Variants in PPP5C observed in about 807,000 individuals in gnomAD.
PPP5C encodes protein phosphatase 5 catalytic subunit.
In PPP5C, 21 loss-of-function variants were observed where a neutral mutation model predicts 66.7. That is an observed-to-expected ratio of 0.31 (90% CI 0.22 to 0.45). The LOEUF is 0.45. PPP5C is among the 20% of genes least tolerant of loss of function. PPP5C has a pLI of 1.00. For synonymous variants in PPP5C, 246 were observed against 257.4 expected (o/e 0.96, Z 0.43); for missense variants, 464 against 675.9 (o/e 0.69, Z 3.48).
chr19:46,384,957 G>GA, intron 7 of PPP5C, 48 bp downstream of exon 7: 1 of 1,386,930 alleles, frequency 7.2e-7, no homozygotes, highest in Non-Finnish European at 1.0e-6. Flanking sequence ...GGTCCTGAGT[G>GA]GGGCACTCAC....
chr19:46,347,328 C>CA (rs1972100192), intron 1 of PPP5C, 111 bp downstream of exon 1: 1 of 1,426,860 alleles, frequency 7.0e-7, no homozygotes, highest in Non-Finnish European at 9.2e-7. Flanking sequence ...CAGACACTAC[C>CA]AAGTGACCGG....
At chr19:46,353,471 C>T (rs766548929) in intron 1 of PPP5C, among the ~76,000 whole-genome samples, 4 of 118,944 alleles carry the variant, frequency 3.4e-5, no homozygotes, top group Admixed American at 1.2e-4. Context: ...TTCTTGCTAT[C>T]GGAGTGCTCT....
At position 46,390,888 on chromosome 19, in the gene PPP5C, C is replaced by G; in HGVS notation, c.*542C>G. 1 of 1,149,580 alleles carries G rather than the reference C, an allele frequency of 8.7e-7. No individual in the cohort carries two copies. Among genetic ancestry groups the G allele is most frequent in the South Asian group, 1.8e-5 (1 of 55,670 alleles). 71.2% of individuals were successfully genotyped at this position (1,149,580 alleles called of 1,614,324 possible). ...GGATGGTGGAGCCGAAGGAGCTGCC[C>G]GGGTTGGGTTACGCCTGCTCAGGAG... On this transcript the variant is annotated 3_prime_UTR_variant, in exon 13 of 13. Coordinates refer to ENST00000012443, the MANE Select transcript of PPP5C (RefSeq NM_006247.4).
intron 1 of PPP5C, among the ~76,000 whole-genome samples, chr19:46,348,270 C>T (rs974787951): frequency 6.7e-6 from 1 of 149,402 alleles, no homozygotes; most frequent in African/African-American, 2.5e-5. Context: ...CCAGATCATG[C>T]AGGGTCTCCG....
At position 46,390,963 on chromosome 19, in the gene PPP5C, C is replaced by A; in HGVS notation, c.*617C>A. 8.3e-7 allele frequency: 1 copy of A among 1,198,110 alleles called. No individual in the cohort carries two copies. Among genetic ancestry groups the A allele is most frequent in the Non-Finnish European group, 1.1e-6 (1 of 943,242 alleles). 74.2% of individuals were successfully genotyped at this position (1,198,110 alleles called of 1,614,324 possible). On this transcript the variant is annotated 3_prime_UTR_variant, in exon 13 of 13. Coordinates refer to ENST00000012443, the MANE Select transcript of PPP5C (RefSeq NM_006247.4). ...AGTCCCGCTGGCCGGGCCCACCCAG[C>A]TCTGGGCTGACCGCCCAAGTGGCCT... is the stretch of plus-strand genomic sequence containing the variant.
chr19:46,357,020 C>A (rs1252863732), intron 2 of PPP5C, among the ~76,000 whole-genome samples: 2 of 152,148 alleles, frequency 1.3e-5, no homozygotes, highest in African/African-American at 4.8e-5. Context: ...ATAGGAATAA[C>A]AACCAAAGTG....
At chr19:46,354,956 C>A (rs1327302677) in intron 2 of PPP5C, among the ~76,000 whole-genome samples, 3 of 152,224 alleles carry the variant, frequency 2.0e-5, no homozygotes, top group Admixed American at 6.5e-5. Flanking sequence ...AGAGCGAGCA[C>A]ACACCTTCAC....
intron 4 of PPP5C, among the ~76,000 whole-genome samples, chr19:46,378,464 A>G (rs1169932254): frequency 2.0e-5 from 3 of 152,238 alleles, no homozygotes; most frequent in Admixed American, 2.0e-4. Context: ...ATAAATGTCA[A>G]TTAGTTCAAG....
intron 1 of PPP5C, among the ~76,000 whole-genome samples, chr19:46,348,491 T>C (rs1339643519): frequency 1.3e-5 from 2 of 151,954 alleles, no homozygotes; most frequent in Non-Finnish European, 2.9e-5. Flanking sequence ...TTTTTGTACT[T>C]TTAGTAGAGA....
intron 4 of PPP5C, among the ~76,000 whole-genome samples, chr19:46,378,080 T>C (rs1341746818): frequency 6.6e-6 from 1 of 152,258 alleles, no homozygotes; most frequent in African/African-American, 2.4e-5. Context: ...TTCTGGCTTC[T>C]GAAGATGGAC....
At chr19:46,389,992 T>G in intron 11 of PPP5C, 59 bp from the exon 12 acceptor site, 1 of 1,532,002 alleles carries the variant, frequency 6.5e-7, no homozygotes, top group Non-Finnish European at 9.0e-7. Flanking sequence ...TTCCTTCTCT[T>G]AACCCACCAG....
intron 2 of PPP5C, among the ~76,000 whole-genome samples, chr19:46,374,587 T>C (rs892132196): frequency 6.6e-6 from 1 of 152,056 alleles, no homozygotes; most frequent in Non-Finnish European, 1.5e-5. Flanking sequence ...TCGGGGTAAA[T>C]AAGGTTGCGG....
chr19:46,365,604 G>A (rs1329023137), intron 2 of PPP5C, among the ~76,000 whole-genome samples: 1 of 152,148 alleles, frequency 6.6e-6, no homozygotes, highest in African/African-American at 2.4e-5. Flanking sequence ...AGAGTGACCA[G>A]TCCCTTATTC....
rs1231891423 is a variant in PPP5C, at chr19:46,390,668, C to CT, written c.*323dup. 101 of 1,245,324 alleles carry CT rather than the reference C, an allele frequency of 8.1e-5. No homozygotes were observed. The highest frequency in any genetic ancestry group is 1.0e-4 in the Non-Finnish European group (101 of 979,844). 77.1% of individuals were successfully genotyped at this position (1,245,324 alleles called of 1,614,324 possible). A position where few individuals can be genotyped will look rare whatever the true frequency, so the allele number is the denominator to read the frequency against. ...CCTGCCCCCCTCATTTGCATGGCTC[C>CT]TCCCCCACTCAAGCAATAGGGCCCC... On this transcript the variant is annotated 3_prime_UTR_variant, in exon 13 of 13. Coordinates refer to ENST00000012443, the MANE Select transcript of PPP5C (RefSeq NM_006247.4).
rs139407356 is a variant in PPP5C at position 46,379,179 on chromosome 19, G to A, written c.633+2605G>A. Among the ~76,000 whole-genome samples, 457 of 152,164 alleles carry A rather than the reference G, an allele frequency of 3.0e-3. 7 individuals are homozygous for A. The East Asian group carries it at 0.043, about 14-fold the overall frequency. On this transcript the variant is annotated intron_variant, in intron 4 of 12. Transcript: ENST00000012443. ...AGTGATTCTCCTGCCTCAGCCTCCC[G>A]AGTAGCTGGGACTACAGGTGTGCAC...
At chr19:46,364,594 G>A (rs1164316286) in intron 2 of PPP5C, among the ~76,000 whole-genome samples, 2 of 152,060 alleles carry the variant, frequency 1.3e-5, no homozygotes, top group Non-Finnish European at 1.5e-5. Flanking sequence ...TTTGTCTTTT[G>A]TAAATCTTGC....
intron 2 of PPP5C, among the ~76,000 whole-genome samples, chr19:46,354,211 C>T (rs1372481157): frequency 2.6e-5 from 4 of 152,248 alleles, no homozygotes; most frequent in Non-Finnish European, 5.9e-5. Context: ...CCTCGCCACA[C>T]CTTCCTTTCC....
At chr19:46,353,614 G>A in intron 1 of PPP5C, 134 bp from the exon 2 acceptor site, 6 of 1,333,246 alleles carry the variant, frequency 4.5e-6, no homozygotes, top group Non-Finnish European at 6.2e-6. Context: ...GGGGCAGGCT[G>A]AAGAGATGTC....
intron 2 of PPP5C, among the ~76,000 whole-genome samples, chr19:46,357,294 C>A (rs1972303308): frequency 6.6e-6 from 1 of 152,168 alleles, no homozygotes; most frequent in South Asian, 2.1e-4. Context: ...GGAATTTGCC[C>A]ACCTTAGCCT....
Sources: gnomAD v4.1 joint callset for allele counts (sites outside exome capture counted in the v4.1 genomes callset) on GRCh38, gnomAD v4.1.1 for gene constraint, MANE v1.5 for transcripts, NCBI Gene and HGNC (gene_info 2026-07-23, HGNC 2026-07-21) for gene names.